PDE1C: variants seen among roughly 807,000 people sequenced by gnomAD.
PDE1C encodes the protein phosphodiesterase 1C.
A neutral mutation model predicts 93.1 loss-of-function variants in PDE1C; 62 were observed. That is an observed-to-expected ratio of 0.67 (90% CI 0.54 to 0.82). The LOEUF is 0.82. Among genes scored for constraint, PDE1C ranks in the 40% least tolerant of loss-of-function variants. The probability of loss-of-function intolerance (pLI) is 0.00; values close to 1 mark genes in which losing one functional copy is unlikely to be tolerated. For missense variants in PDE1C, 742 were observed against 884.6 expected (o/e 0.84, Z 2.04); for synonymous variants, 325 against 310.1 (o/e 1.05, Z -0.50).
Position 32,147,296 on chromosome 7 carries a change from G to GAAAGAAAGAAAGAAAGAAAGAAAGAAA in PDE1C, c.308+22462_308+22488dup, listed in dbSNP as rs1563352722. 1.8e-4 allele frequency among the ~76,000 whole-genome samples: 25 copies of GAAAGAAAGAAAGAAAGAAAGAAAGAAA among 137,474 alleles called. 2 individuals carry two copies. Among genetic ancestry groups the GAAAGAAAGAAAGAAAGAAAGAAAGAAA allele is most frequent in the African/African-American group, 6.0e-4 (21 of 34,856 alleles). The allele number at this position is 137,474 out of a possible 152,430, so 90.2% of individuals were successfully genotyped here. A position where few individuals can be genotyped will look rare whatever the true frequency, so the allele number is the denominator to read the frequency against. ...AAAAAGAAAGAAAGAAAGAAAGAAA[G>GAAAGAAAGAAAGAAAGAAAGAAAGAAA]AAAGAAAGAAAGAAAGAAAGAAAGA... On this transcript the variant is annotated intron_variant, in intron 3 of 18. Coordinates refer to the PDE1C transcript ENST00000396193.
At chr7:31,811,872 A>C (rs949907482) in intron 15 of PDE1C, among the ~76,000 whole-genome samples, 3 of 152,114 alleles carry the variant, frequency 2.0e-5, no homozygotes, top group African/African-American at 7.2e-5. Flanking sequence ...CAAACCTTGA[A>C]AACCCCTCCT....
intron 1 of PDE1C, among the ~76,000 whole-genome samples, chr7:32,277,027 C>A (rs1020960950): frequency 6.6e-5 from 10 of 152,096 alleles, no homozygotes; most frequent in African/African-American, 2.2e-4. Flanking sequence ...CTAAAGCAGG[C>A]AGATCGCTTG....
At chr7:31,830,614 G>A (rs1217015799) in intron 11 of PDE1C, among the ~76,000 whole-genome samples, 1 of 152,186 alleles carries the variant, frequency 6.6e-6, no homozygotes, top group Non-Finnish European at 1.5e-5. Flanking sequence ...CAGTTAGGCA[G>A]GTAGCTGTTC....
At chr7:31,651,892 C>A in the PDE1C span, 1 of 1,368,472 alleles carries the variant, frequency 7.3e-7, no homozygotes, top group Non-Finnish European at 1.0e-6. Flanking sequence ...AAGATTGCAC[C>A]TGGGAAGGAT....
rs146588821 is a variant in PDE1C at position 32,023,100 on chromosome 7, C to T, written c.128+28454G>A. On this transcript the variant is annotated intron_variant, in intron 2 of 17. Coordinates refer to ENST00000396191, the MANE Select transcript of PDE1C (RefSeq NM_001191057.4). The stretch of plus-strand genomic sequence containing the variant: ...AATTTGTCAGTGAAGTACTCTCCTG[C>T]TGGCTTTTATGGCTGAGTTATTGCC... 2.3e-3 allele frequency among the ~76,000 whole-genome samples: 346 copies of T among 152,160 alleles called. 2 individuals are homozygous for T. The highest frequency in any genetic ancestry group is 7.9e-3 in the African/African-American group (330 of 41,532).
intron 2 of PDE1C, among the ~76,000 whole-genome samples, chr7:32,020,446 T>A (rs1788498494): frequency 6.6e-6 from 1 of 152,018 alleles, no homozygotes; most frequent in African/African-American, 2.4e-5. Context: ...CTAAATTTAT[T>A]TTTTTCTGAA....
intron 1 of PDE1C, among the ~76,000 whole-genome samples, chr7:32,247,628 C>A (rs1485402731): frequency 6.6e-6 from 1 of 152,158 alleles, no homozygotes; most frequent in African/African-American, 2.4e-5. Context: ...AACTGTATTT[C>A]AAGTACCCAT....
intron 2 of PDE1C, among the ~76,000 whole-genome samples, chr7:31,889,908 A>C (rs779493614): frequency 9.2e-5 from 14 of 152,302 alleles, no homozygotes; most frequent in Non-Finnish European, 1.9e-4. Context: ...CCTTATAAAT[A>C]AGTGTTTCTT....
At position 32,068,007 on chromosome 7, in the gene PDE1C, C is replaced by T. The variant is rs532214048; in HGVS notation, c.101+2286G>A. On this transcript the variant is annotated intron_variant, in intron 1 of 17. Transcript: ENST00000396191. ...GGGCGATACCAACAAGAAGGAGATG[C>T]GATAACATTGAATAATCCAGGCGTG... 2.6e-5 allele frequency among the ~76,000 whole-genome samples: 4 copies of T among 152,176 alleles called. No homozygotes were observed. In the South Asian group the frequency reaches 8.3e-4, roughly 32 times the overall value.
intron 2 of PDE1C, among the ~76,000 whole-genome samples, chr7:32,044,308 G>A (rs541328190): frequency 1.4e-4 from 22 of 152,250 alleles, no homozygotes; most frequent in African/African-American, 5.1e-4. Context: ...AAAAAAATCA[G>A]GCAAATATGA....
chr7:31,639,759 A>AGCTCTTG, the PDE1C span, among the ~76,000 whole-genome samples: 1 of 151,662 alleles, frequency 6.6e-6, no homozygotes, highest in Non-Finnish European at 1.5e-5. Context: ...GCTCGTCTTG[A>AGCTCTTG]ACTCCTGACC....
intron 2 of PDE1C, among the ~76,000 whole-genome samples, chr7:32,188,883 G>C (rs1804050875): frequency 6.6e-6 from 1 of 152,098 alleles, no homozygotes; most frequent in Non-Finnish European, 1.5e-5. Flanking sequence ...ATCTATTTGG[G>C]CACCATTTAC....
chr7:31,758,874 G>T (rs185824696), intron 17 of PDE1C, among the ~76,000 whole-genome samples: 1 of 152,202 alleles, frequency 6.6e-6, no homozygotes, highest in Non-Finnish European at 1.5e-5. Context: ...CTGATTCACT[G>T]CTCTTCAAGT....
At chr7:31,626,567 G>T in the PDE1C span, among the ~76,000 whole-genome samples, 1 of 152,082 alleles carries the variant, frequency 6.6e-6, no homozygotes, top group African/African-American at 2.4e-5. Context: ...TATTTTTCCT[G>T]CAGTAGTTAT....
the PDE1C span, among the ~76,000 whole-genome samples, chr7:31,655,072 CCTG>C: frequency 6.6e-6 from 1 of 152,142 alleles, no homozygotes; most frequent in African/African-American, 2.4e-5. Context: ...CATCTATGAC[CCTG>C]ATTCCCAGCT....
rs187505732 is a variant in PDE1C, at chr7:31,922,260, T to C, written c.129-41400A>G. 4.3e-3 allele frequency among the ~76,000 whole-genome samples: 661 copies of C among 152,286 alleles called. 6 individuals are homozygous for C. The highest frequency in any genetic ancestry group is 0.015 in the African/African-American group (638 of 41,562). ...TATTTAACAATCTTCAGGAAATACT[T>C]TGGAAACACTAATGGAATTGAACTG... On this transcript the variant is annotated intron_variant, in intron 2 of 17. Coordinates refer to ENST00000396191, the MANE Select transcript of PDE1C (RefSeq NM_001191057.4).
At chr7:31,651,048 A>G in the PDE1C span, 9 of 1,409,886 alleles carry the variant, frequency 6.4e-6, no homozygotes, top group Admixed American at 2.3e-5. Flanking sequence ...TTGCGAAAAA[A>G]GGGATCCCAA....
rs536495330 is a variant in PDE1C at position 32,338,866 on chromosome 7, G to A, written c.310+88956C>T. ...AAAATACAAAAAATTAGCCAAGCGT[G>A]GTGGCGGGCGCCTGTAGTCCCAGCT... On this transcript the variant is annotated intron_variant, in intron 1 of 1. Coordinates refer to the PDE1C transcript ENST00000672256. Among the ~76,000 whole-genome samples the A allele has an allele frequency of 2.6e-5, 4 of 152,262 alleles. No individual in the cohort carries two copies. In the East Asian group the frequency reaches 7.7e-4, roughly 29 times the overall value.
At chr7:31,992,410 A>G (rs1439557436) in intron 2 of PDE1C, among the ~76,000 whole-genome samples, 1 of 152,218 alleles carries the variant, frequency 6.6e-6, no homozygotes, top group East Asian at 1.9e-4. Flanking sequence ...CAAAGAGGAA[A>G]ACTATGATTT....
Sources: allele counts gnomAD v4.1 joint callset (sites outside exome capture counted in the v4.1 genomes callset), GRCh38; gene constraint gnomAD v4.1.1; transcripts MANE v1.5; gene names NCBI Gene and HGNC (gene_info 2026-07-23, HGNC 2026-07-21).